The following CD33 variants were observed in gnomAD, a reference collection of about 807,000 sequenced individuals.
The protein encoded by CD33 is CD33 molecule, also known as myeloid cell surface antigen CD33.
A neutral mutation model predicts 31.4 loss-of-function variants in CD33; 25 were observed. The ratio of observed to expected loss-of-function variants is 0.80; its 90% CI spans 0.58 to 1.11. The LOEUF (loss-of-function observed/expected upper bound fraction) is 1.11, where lower values mean the gene tolerates loss of function less well. Among genes scored for constraint, CD33 ranks in the 50% most tolerant of loss-of-function variants. CD33 has a pLI of 0.00. For synonymous variants in CD33, 176 were observed against 180.6 expected (o/e 0.97, Z 0.20); for missense variants, 407 against 448.1 (o/e 0.91, Z 0.83).
Position 51,235,139 on chromosome 19 carries a change from A to G in CD33, c.746-18A>G. The G allele has an allele frequency of 6.2e-7, 1 of 1,606,842 alleles. No individual in the cohort carries two copies. The highest frequency in any genetic ancestry group is 8.5e-7 in the Non-Finnish European group (1 of 1,173,396). Reference sequence around the variant, plus strand: ...TTTATCTAGATTAGAATTCACCCCAAATCTTTTTTGTCTGCAGGGAAACAA... The same window carrying G: ...TTTATCTAGATTAGAATTCACCCCAGATCTTTTTTGTCTGCAGGGAAACAA... On this transcript the variant is annotated intron_variant, in intron 4 of 6. Coordinates refer to ENST00000262262, the MANE Select transcript of CD33 (RefSeq NM_001772.4).
chr19:51,225,106 T>C lies in CD33; in HGVS notation c.-13T>C, dbSNP rs929932290. On this transcript the variant is annotated 5_prime_UTR_variant, in exon 1 of 7. Coordinates refer to ENST00000262262, the MANE Select transcript of CD33 (RefSeq NM_001772.4). ...TGCTCACACAGGAAGCCCTGGAAGC[T>C]GCTTCCTCAGACATGCCGCTGCTGC... is the stretch of plus-strand genomic sequence containing the variant. 1.1e-5 allele frequency: 18 copies of C among 1,613,458 alleles called. No individual in the cohort carries two copies. The highest frequency in any genetic ancestry group is 4.0e-5 in the African/African-American group (3 of 74,782).
chr19:51,217,299 T>C, the CD33 span, among the ~76,000 whole-genome samples: 1 of 152,180 alleles, frequency 6.6e-6, no homozygotes, highest in Non-Finnish European at 1.5e-5. Context: ...CTAATGGATA[T>C]AGTCATTGAG....
At chr19:51,211,542 T>C in the CD33 span, 1 of 1,521,692 alleles carries the variant, frequency 6.6e-7, no homozygotes, top group Non-Finnish European at 8.8e-7. Context: ...AGAGAGGAAG[T>C]ACCAAACACA....
chr19:51,239,988 T>C lies in CD33; in HGVS notation c.*300T>C, dbSNP rs945941260. 4 of 214,168 alleles carry C rather than the reference T, an allele frequency of 1.9e-5. No homozygotes were observed. The highest frequency in any genetic ancestry group is 1.2e-4 in the Admixed American group (2 of 17,054). 13.3% of individuals were successfully genotyped at this position (214,168 alleles called of 1,614,324 possible). A position where few individuals can be genotyped will look rare whatever the true frequency, so the allele number is the denominator to read the frequency against. On this transcript the variant is annotated 3_prime_UTR_variant, in exon 7 of 7. Transcript: ENST00000262262. ...CTATCTCATAGGGATGCTGTGAGCA[T>C]TAAATAAAGGTACACATGGAAAACA...
chr19:51,225,300 C>CT lies in CD33; in HGVS notation c.121dup (p.Cys41LeufsTer58), dbSNP rs773486269. ...AGGAGGGTTTGTGCGTCCTCGTGCC[C>CT]TGCACTTTCTTCCATCCCATACCCT... On this transcript the variant is annotated frameshift_variant, in exon 2 of 7. Transcript: ENST00000262262. LOFTEE classifies it high-confidence loss of function. 1 of 1,614,170 alleles carries CT rather than the reference C, an allele frequency of 6.2e-7. No homozygotes were observed. Among genetic ancestry groups the CT allele is most frequent in the East Asian group, 2.2e-5 (1 of 44,872 alleles).
At position 51,225,865 on chromosome 19, in the gene CD33, C is replaced by G. The variant is rs779592644; in HGVS notation, c.481C>G (p.Leu161Val). The change falls in exon 3 of 7, where the codon CTG (leucine) becomes GTG (valine). Residue 161 changes from leucine to valine, a missense_variant. Transcript: ENST00000262262. ...TCTAGAACCCGGCCACTCCAAAAAC[C>G]TGACCTGCTCTGTGTCCTGGGCCTG... Reference protein sequence around the residue: ...GTLEPGHSKNLTCSVSWACEQ... With the variant: ...GTLEPGHSKNVTCSVSWACEQ... 1.2e-6 allele frequency: 2 copies of G among 1,614,022 alleles called. No homozygotes were observed. The highest frequency in any genetic ancestry group is 3.3e-5 in the Admixed American group (2 of 60,002).
intron 4 of CD33, among the ~76,000 whole-genome samples, chr19:51,229,630 T>C (rs1355913966): frequency 6.6e-6 from 1 of 152,172 alleles, no homozygotes; most frequent in Non-Finnish European, 1.5e-5. Flanking sequence ...CGGTAGATTA[T>C]ATGTGTCCAG....
chr19:51,233,597 G>C (rs996609861), intron 4 of CD33, among the ~76,000 whole-genome samples: 1 of 152,232 alleles, frequency 6.6e-6, no homozygotes, highest in Non-Finnish European at 1.5e-5. Context: ...GGGCTGGTTA[G>C]GGAGTTGGGA....
intron 2 of CD33, 35 bp from the exon 3 acceptor site, chr19:51,225,768 C>CTCCTGAT (rs1390140833): frequency 6.3e-7 from 1 of 1,598,180 alleles, no homozygotes; most frequent in African/African-American, 1.3e-5. Context: ...TGGACCCTCC[C>CTCCTGAT]TCCTGATTCT....
chr19:51,216,657 ACT>A, the CD33 span, among the ~76,000 whole-genome samples: 8 of 142,492 alleles, frequency 5.6e-5, no homozygotes, highest in East Asian at 1.2e-3. Context: ...GCAGTGCGAG[ACT>A]CTGTCTCAGA....
rs193158678 is a variant in CD33, at chr19:51,228,716, C to A, written c.745+2360C>A. On this transcript the variant is annotated intron_variant, in intron 4 of 6. Transcript: ENST00000262262. ...TTGTTTTGTTTTTGAGATGGAATTTCACCATGTTGGCCAAGCTGGTCTTGA... is the reference window on the plus strand; with the variant it reads ...TTGTTTTGTTTTTGAGATGGAATTTAACCATGTTGGCCAAGCTGGTCTTGA... 3.2e-3 allele frequency among the ~76,000 whole-genome samples: 494 copies of A among 152,118 alleles called. 2 individuals carry two copies. The highest frequency in any genetic ancestry group is 4.4e-3 in the Non-Finnish European group (302 of 68,008).
rs1313248815 is a variant in CD33, at chr19:51,239,664, A to G, written c.1071A>G (p.Glu357=). The change falls in exon 7 of 7, where the codon GAA becomes GAG. Residue 357 remains glutamate, a synonymous_variant. Transcript: ENST00000262262. ...GMNPSKDTST[E]YSEVRTQ Reference sequence around the variant, plus strand: ...ATCCTTCCAAGGACACCTCCACCGAATACTCAGAGGTCAGGACCCAGTGAG... The same window carrying G: ...ATCCTTCCAAGGACACCTCCACCGAGTACTCAGAGGTCAGGACCCAGTGAG... 1 of 1,612,822 alleles carries G rather than the reference A, an allele frequency of 6.2e-7. No homozygotes were observed. The highest frequency in any genetic ancestry group is 1.7e-5 in the Admixed American group (1 of 59,898).
chr19:51,214,340 G>A, the CD33 span, among the ~76,000 whole-genome samples: 2 of 151,988 alleles, frequency 1.3e-5, no homozygotes, highest in South Asian at 2.1e-4. Context: ...TGGGATTACA[G>A]GCACATGCCA....
intron 5 of CD33, 134 bp from the exon 6 acceptor site, chr19:51,235,461 T>G: frequency 2.8e-6 from 4 of 1,443,886 alleles, no homozygotes. Flanking sequence ...AGGGAGACCT[T>G]GTGACTAAGT....
chr19:51,239,459 C>G (rs1982018385), intron 6 of CD33, 59 bp from the exon 7 acceptor site: 6 of 1,352,116 alleles, frequency 4.4e-6, no homozygotes, highest in Non-Finnish European at 4.0e-6. Flanking sequence ...CCCTCTTTGC[C>G]TTCTCCTGGT....
the CD33 span, among the ~76,000 whole-genome samples, chr19:51,218,783 C>A: frequency 6.6e-6 from 1 of 152,170 alleles, no homozygotes; most frequent in African/African-American, 2.4e-5. Flanking sequence ...AATAAGGTGT[C>A]CTGTCCCCAG....
At chr19:51,234,701 C>T (rs1981652652) in intron 4 of CD33, among the ~76,000 whole-genome samples, 1 of 152,162 alleles carries the variant, frequency 6.6e-6, no homozygotes, top group Admixed American at 6.5e-5. Context: ...GTCTGAGAAC[C>T]ACCTCCCTGC....
At chr19:51,217,310 G>A in the CD33 span, among the ~76,000 whole-genome samples, 1 of 152,170 alleles carries the variant, frequency 6.6e-6, no homozygotes. Context: ...AGTCATTGAG[G>A]GGAAGGGAAG....
At chr19:51,214,680 C>T in the CD33 span, among the ~76,000 whole-genome samples, 5 of 151,902 alleles carry the variant, frequency 3.3e-5, no homozygotes, top group African/African-American at 4.8e-5. Flanking sequence ...TGGATAATTT[C>T]GGTTGTTTGT....
Sources: gnomAD v4.1 joint callset for allele counts (sites outside exome capture counted in the v4.1 genomes callset) on GRCh38, gnomAD v4.1.1 for gene constraint, MANE v1.5 for transcripts, NCBI Gene and HGNC (gene_info 2026-07-23, HGNC 2026-07-21) for gene names.